The following WDFY4 variants were observed in gnomAD, a reference collection of about 807,000 sequenced individuals.
The protein encoded by WDFY4 is WD repeat- and FYVE domain-containing protein 4.
WDFY4 carries 169 observed loss-of-function variants against 351.9 expected under a neutral mutation model. The ratio of observed to expected loss-of-function variants is 0.48; its 90% CI spans 0.42 to 0.55. The LOEUF is 0.55. Ranked by LOEUF, WDFY4 falls within the 20% of genes least tolerant of loss-of-function variation. The pLI, the probability that WDFY4 is intolerant of heterozygous loss-of-function variation, is 0.00. For synonymous variants in WDFY4, 1,622 were observed against 1,574.6 expected (o/e 1.03, Z -0.71); for missense variants, 3,803 against 3,935.6 (o/e 0.97, Z 0.90).
chr10:48,945,308 C>T lies in WDFY4; in HGVS notation c.7750-732C>T, dbSNP rs544378208. ...GGAGGATCACTTGAGCTCAGGAGGT[C>T]GAGGCTGCAGTGAGCCAGGACCACT... On this transcript the variant is annotated intron_variant, in intron 49 of 61. Coordinates refer to ENST00000325239, the MANE Select transcript of WDFY4 (RefSeq NM_001394531.1). 5.5e-4 allele frequency among the ~76,000 whole-genome samples: 84 copies of T among 152,066 alleles called. 1 individual carries two copies. Among genetic ancestry groups the T allele is most frequent in the African/African-American group, 1.8e-3 (76 of 41,462 alleles).
At chr10:48,711,992 C>T (rs1024174888) in intron 2 of WDFY4, among the ~76,000 whole-genome samples, 2 of 152,156 alleles carry the variant, frequency 1.3e-5, no homozygotes, top group African/African-American at 2.4e-5. Flanking sequence ...GTTATGTCAC[C>T]GTACAGGCAT....
intron 4 of WDFY4, among the ~76,000 whole-genome samples, chr10:48,721,719 G>A (rs187408959): frequency 4.6e-4 from 70 of 152,264 alleles, no homozygotes; most frequent in African/African-American, 1.6e-3. Context: ...GGGCAAGGCT[G>A]GGTGTGTCCC....
chr10:48,741,114 C>T (rs2064835908), intron 11 of WDFY4, among the ~76,000 whole-genome samples: 1 of 150,608 alleles, frequency 6.6e-6, no homozygotes. Flanking sequence ...TGCTGTTTCT[C>T]TTCATCTTTG....
chr10:48,883,934 A>C (rs1322685709), intron 43 of WDFY4: 1 of 152,098 alleles, frequency 6.6e-6, no homozygotes, highest in Non-Finnish European at 1.5e-5. Flanking sequence ...CTACAAACGC[A>C]TTTCTCTGCA....
At chr10:48,731,613 C>A in intron 9 of WDFY4, 51 bp downstream of exon 9, 1 of 1,506,302 alleles carries the variant, frequency 6.6e-7, no homozygotes, top group Non-Finnish European at 8.9e-7. Context: ...GTCAGCCAGG[C>A]CTGACCTTTG....
intron 47 of WDFY4, among the ~76,000 whole-genome samples, chr10:48,911,283 C>T (rs552498839): frequency 8.5e-5 from 13 of 152,302 alleles, no homozygotes; most frequent in African/African-American, 2.9e-4. Context: ...GTGCTTAGTG[C>T]TGGCAAGGAT....
intron 51 of WDFY4, among the ~76,000 whole-genome samples, chr10:48,948,389 T>C (rs1038348135): frequency 2.6e-5 from 4 of 152,220 alleles, no homozygotes; most frequent in African/African-American, 9.7e-5. Context: ...GAAATGATGA[T>C]CACCGTTGAC....
chr10:48,893,889 G>A (rs1202547926), intron 44 of WDFY4, among the ~76,000 whole-genome samples: 2 of 152,330 alleles, frequency 1.3e-5, no homozygotes, highest in South Asian at 2.1e-4. Flanking sequence ...CCTGCTGGCT[G>A]TTATGCTGAC....
At chr10:48,906,101 A>G (rs1201630943) in intron 47 of WDFY4, among the ~76,000 whole-genome samples, 1 of 152,252 alleles carries the variant, frequency 6.6e-6, no homozygotes, top group Admixed American at 6.5e-5. Context: ...GGCAATAATC[A>G]TAGAATGAGT....
At chr10:48,962,680 C>A (rs1181447569) in intron 53 of WDFY4, among the ~76,000 whole-genome samples, 2 of 152,190 alleles carry the variant, frequency 1.3e-5, no homozygotes, top group African/African-American at 2.4e-5. Flanking sequence ...TTATGAGGGG[C>A]AGATGTTGCT....
At chr10:48,980,705 A>T (rs996813847) in intron 60 of WDFY4, among the ~76,000 whole-genome samples, 6 of 152,058 alleles carry the variant, frequency 3.9e-5, no homozygotes, top group Admixed American at 3.3e-4. Flanking sequence ...GTCTGCACAC[A>T]TGGGTGGTCA....
chr10:48,732,772 T>C (rs1395650468), intron 9 of WDFY4, among the ~76,000 whole-genome samples: 11 of 152,236 alleles, frequency 7.2e-5, no homozygotes, highest in Non-Finnish European at 2.9e-5. Flanking sequence ...TCAGTCGCCT[T>C]GTCCCTATAG....
At chr10:48,960,034 T>G (rs1439171834) in intron 53 of WDFY4, among the ~76,000 whole-genome samples, 1 of 152,204 alleles carries the variant, frequency 6.6e-6, no homozygotes, top group Non-Finnish European at 1.5e-5. Flanking sequence ...GGGTGCCAGC[T>G]TGGTGAGGGT....
At chr10:48,911,247 A>G (rs532824155) in intron 47 of WDFY4, among the ~76,000 whole-genome samples, 2 of 152,330 alleles carry the variant, frequency 1.3e-5, no homozygotes, top group South Asian at 4.1e-4. Context: ...TTCAGACAGT[A>G]GGTGAAGAGA....
chr10:48,963,020 C>G (rs907906777), intron 53 of WDFY4, among the ~76,000 whole-genome samples: 1 of 152,210 alleles, frequency 6.6e-6, no homozygotes, highest in Non-Finnish European at 1.5e-5. Flanking sequence ...GTCCAGAATT[C>G]CCCAGTAACT....
chr10:48,846,118 G>C (rs115463991), intron 39 of WDFY4, among the ~76,000 whole-genome samples: 1,627 of 152,336 alleles, frequency 0.011, 27 homozygotes, highest in African/African-American at 0.037. Flanking sequence ...TAGTTTCCAA[G>C]CTGTGCAGAC....
At position 48,826,875 on chromosome 10, in the gene WDFY4, C is replaced by T. The variant is rs1455516348; in HGVS notation, c.6187C>T (p.Leu2063Phe). Residue 2063 changes from leucine (L) to phenylalanine (F), a missense_variant, in exon 36 of 62, where the codon CTC (leucine) becomes TTC (phenylalanine). By Grantham distance (22) the Leu-to-Phe change is conservative. Transcript: ENST00000325239. ...TTCCAACATCAGCTTCCTCCTGTGT[C>T]TCATGCATTGCCTTTTGCTACTCAA... ...YNSNISFLLC[L>F]MHCLLLLNER... The T allele has an allele frequency of 1.9e-6, 3 of 1,551,762 alleles. No individual in the cohort carries two copies. Among genetic ancestry groups the T allele is most frequent in the South Asian group, 1.2e-5 (1 of 84,058 alleles).
At chr10:48,781,262 G>T (rs574645989) in intron 19 of WDFY4, among the ~76,000 whole-genome samples, 47 of 151,498 alleles carry the variant, frequency 3.1e-4, no homozygotes, top group Non-Finnish European at 1.8e-4. Context: ...ATATGTGTGT[G>T]TGTGTATATA....
Position 48,743,176 on chromosome 10 carries a change from C to T in WDFY4, c.2087C>T (p.Pro696Leu). 2 of 1,551,730 alleles carry T rather than the reference C, an allele frequency of 1.3e-6. No homozygotes were observed. The highest frequency in any genetic ancestry group is 2.4e-5 in the East Asian group (1 of 40,918). ...GTGTCCGCAGCGCTGCACTGGGACC[C>T]TGTCAATGGCTACTTCTTCAGGAGG... The part of the protein sequence containing the change: ...CAVSAALHWD[P>L]VNGYFFRRNG... Residue 696 changes from proline (P) to leucine (L), a missense_variant, in exon 12 of 62, where the codon CCT (proline) becomes CTT (leucine). By Grantham distance (98) the Pro-to-Leu change is moderately conservative. This residue lies in a region of WDFY4 where 3,054 missense variants were observed against 3,148.6 expected (regional missense o/e 0.97). Coordinates refer to ENST00000325239, the MANE Select transcript of WDFY4 (RefSeq NM_001394531.1).
Sources: allele counts gnomAD v4.1 joint callset (sites outside exome capture counted in the v4.1 genomes callset), GRCh38; gene constraint gnomAD v4.1.1; regional missense constraint gnomAD v4.1.1; transcripts MANE v1.5; gene names NCBI Gene and HGNC (gene_info 2026-07-23, HGNC 2026-07-21).